Variants in MYOF observed in about 807,000 individuals in gnomAD.
MYOF encodes fer-1-like 3, myoferlin.
Under a neutral mutation model 284.2 loss-of-function variants are expected in MYOF, and 244 were observed. The observed-to-expected ratio is 0.86, with a 90% CI of 0.77 to 0.95. The LOEUF (loss-of-function observed/expected upper bound fraction) is 0.95, where lower values mean the gene tolerates loss of function less well. Among genes scored for constraint, MYOF ranks in the 40% least tolerant of loss-of-function variants. The pLI is 0.00. For missense variants in MYOF, 2,496 were observed against 2,560.6 expected (o/e 0.97, Z 0.54); for synonymous variants, 904 against 919.7 (o/e 0.98, Z 0.31).
chr10:93,436,361 T>C (rs1453157797), intron 3 of MYOF, among the ~76,000 whole-genome samples: 1 of 152,164 alleles, frequency 6.6e-6, no homozygotes, highest in Non-Finnish European at 1.5e-5. Flanking sequence ...AAGGCTAACC[T>C]CAATTTCTTC....
chr10:93,426,064 A>G lies in MYOF; in HGVS notation c.433+7T>C. The G allele has an allele frequency of 6.4e-7, 1 of 1,552,482 alleles. No homozygotes were observed. Among genetic ancestry groups the G allele is most frequent in the Admixed American group, 1.9e-5 (1 of 51,312 alleles). ...GGGTGGCTGGGCCTTCAGAAGGGTC[A>G]GCTTACCTCCCATGCCTGGCACGCT... On this transcript the variant is annotated splice_region_variant and intron_variant, in intron 5 of 53. Coordinates refer to ENST00000359263, the MANE Select transcript of MYOF (RefSeq NM_013451.4).
rs368199843 is a variant in MYOF at position 93,333,823 on chromosome 10, C to T, written c.4654G>A (p.Glu1552Lys). ...ACAATGTAAATCCTAACCGTGCATT[C>T]CTGTGGGACGCTGTCAGGTAATTCC... Reference protein sequence around the residue: ...FRELPDSVPQECTVRIYIVRG... With the variant: ...FRELPDSVPQKCTVRIYIVRG... The change falls in exon 42 of 54, where the codon GAA (glutamate) becomes AAA (lysine). Residue 1552 changes from glutamate to lysine, a missense_variant. Physicochemically the swap from Glu to Lys is moderately conservative, Grantham distance 56. Coordinates refer to ENST00000359263, the MANE Select transcript of MYOF (RefSeq NM_013451.4). 1.1e-5 allele frequency: 17 copies of T among 1,614,024 alleles called. No homozygotes were observed. The African/African-American group carries it at 2.3e-4, about 22-fold the overall frequency.
rs532071465 is a variant in MYOF at position 93,386,776 on chromosome 10, G to C, written c.1698+1021C>G. Among the ~76,000 whole-genome samples the C allele has an allele frequency of 8.5e-5, 13 of 152,340 alleles. No homozygotes were observed. In the East Asian group the frequency reaches 2.5e-3, roughly 29 times the overall value. On this transcript the variant is annotated intron_variant, in intron 19 of 53. Transcript: ENST00000359263. Reference sequence around the variant, plus strand: ...GAAGAAGGGATAGTTTCTGTTAAAGGGTGTGGCTATTCTCCCTGTCAATCA... The same window carrying C: ...GAAGAAGGGATAGTTTCTGTTAAAGCGTGTGGCTATTCTCCCTGTCAATCA...
At chr10:93,336,225 G>A (rs1393073803) in intron 40 of MYOF, among the ~76,000 whole-genome samples, 179 bp from the exon 41 acceptor site, 1 of 152,138 alleles carries the variant, frequency 6.6e-6, no homozygotes, top group Non-Finnish European at 1.5e-5. Flanking sequence ...AGTTTCTTTT[G>A]GAGTTAAGTA....
chr10:93,406,567 C>CG (rs1589519039), intron 7 of MYOF, among the ~76,000 whole-genome samples: 10 of 93,360 alleles, frequency 1.1e-4, no homozygotes, highest in East Asian at 2.4e-4. Flanking sequence ...GCCTCCTCCC[C>CG]ACCCATCCAG....
At position 93,456,947 on chromosome 10, in the gene MYOF, A is replaced by T; in HGVS notation, c.89-10T>A. 6.3e-7 allele frequency: 1 copy of T among 1,591,696 alleles called. No homozygotes were observed. Among genetic ancestry groups the T allele is most frequent in the African/African-American group, 1.3e-5 (1 of 74,488 alleles). ...GTTTTCTTTTTCTCATCTGCAAAAGAGATAAAGGAAGAGACAGCAATCATT... is the reference window on the plus strand; with the variant it reads ...GTTTTCTTTTTCTCATCTGCAAAAGTGATAAAGGAAGAGACAGCAATCATT... On this transcript the variant is annotated splice_polypyrimidine_tract_variant and intron_variant, in intron 1 of 53. Coordinates refer to ENST00000359263, the MANE Select transcript of MYOF (RefSeq NM_013451.4).
rs1392268583 is a variant in MYOF at position 93,333,433 on chromosome 10, G to A, written c.4720-121C>T. On this transcript the variant is annotated intron_variant, in intron 42 of 53. Transcript: ENST00000359263. ...AGCTGATGACAAGGTGGCCGCCATG[G>A]CACCCCGTGCCTAAGACAAGGGAGC... The A allele has an allele frequency of 7.6e-5, 61 of 797,790 alleles. 1 individual carries two copies. In the East Asian group the frequency reaches 1.7e-3, roughly 22 times the overall value. The allele number at this position is 797,790 out of a possible 1,614,324, so 49.4% of individuals were successfully genotyped here.
At chr10:93,319,528 G>A (rs1325397032) in intron 49 of MYOF, among the ~76,000 whole-genome samples, 1 of 152,084 alleles carries the variant, frequency 6.6e-6, no homozygotes, top group Non-Finnish European at 1.5e-5. Context: ...GCTTGACTCT[G>A]CCTAGCATGG....
intron 29 of MYOF, among the ~76,000 whole-genome samples, chr10:93,358,446 T>C (rs1844913653): frequency 6.6e-6 from 1 of 152,196 alleles, no homozygotes; most frequent in African/African-American, 2.4e-5. Flanking sequence ...ATCCCATTAC[T>C]GGGTATATAC....
intron 3 of MYOF, among the ~76,000 whole-genome samples, chr10:93,433,603 T>A (rs769839955): frequency 6.6e-6 from 1 of 152,258 alleles, no homozygotes; most frequent in African/African-American, 2.4e-5. Context: ...AGATTCCTTA[T>A]GCCAAAATAT....
chr10:93,471,038 A>G lies in MYOF; in HGVS notation c.88+11069T>C, dbSNP rs186221362. On this transcript the variant is annotated intron_variant, in intron 1 of 53. Coordinates refer to ENST00000359263, the MANE Select transcript of MYOF (RefSeq NM_013451.4). The stretch of plus-strand genomic sequence containing the variant: ...TTTTTTTTTTCAATTTATAAGCTGC[A>G]CTATTGAGATGAAAAAGATGATGAA... 5.9e-5 allele frequency among the ~76,000 whole-genome samples: 9 copies of G among 152,188 alleles called. No individual in the cohort carries two copies. The East Asian group carries it at 1.7e-3, about 29-fold the overall frequency.
At chr10:93,393,332 TG>T (rs1846794128) in intron 16 of MYOF, among the ~76,000 whole-genome samples, 1 of 152,192 alleles carries the variant, frequency 6.6e-6, no homozygotes, top group South Asian at 2.1e-4. Context: ...CAAGTAAATG[TG>T]GTCTGAGGCT....
chr10:93,417,232 CTTTCTGAA>C (rs138885532), intron 5 of MYOF, among the ~76,000 whole-genome samples: 7,616 of 152,308 alleles, frequency 0.05, 254 homozygotes, highest in Middle Eastern at 0.082. Flanking sequence ...GACCTGTCTC[CTTTCTGAA>C]TATCAGTAAC....
chr10:93,399,831 C>T (rs915855922), intron 12 of MYOF, among the ~76,000 whole-genome samples: 2 of 152,058 alleles, frequency 1.3e-5, no homozygotes, highest in South Asian at 4.1e-4. Context: ...AAGATCACAC[C>T]ACTGCAGTCC....
intron 3 of MYOF, among the ~76,000 whole-genome samples, chr10:93,439,866 A>C (rs1029712576): frequency 2.6e-5 from 4 of 152,228 alleles, no homozygotes; most frequent in African/African-American, 9.6e-5. Context: ...GAATGAATAG[A>C]TAAGAACCCT....
chr10:93,453,258 C>T (rs1168288633), intron 2 of MYOF, among the ~76,000 whole-genome samples: 2 of 152,058 alleles, frequency 1.3e-5, no homozygotes, highest in Admixed American at 6.6e-5. Context: ...CTCCACTTCC[C>T]GGGTTCAAGC....
chr10:93,408,942 C>T (rs1564694798), intron 6 of MYOF, 27 bp from the exon 7 acceptor site: 1 of 1,612,636 alleles, frequency 6.2e-7, no homozygotes, highest in Non-Finnish European at 8.5e-7. Context: ...GGATGGTTAC[C>T]CAACCTTTCC....
chr10:93,323,687 G>T, intron 46 of MYOF: 1 of 313,226 alleles, frequency 3.2e-6, no homozygotes, highest in Non-Finnish European at 5.9e-6. Context: ...CCACAGGCAG[G>T]CACACGCACG....
chr10:93,417,201 C>T (rs1253362919), intron 5 of MYOF, among the ~76,000 whole-genome samples: 2 of 152,142 alleles, frequency 1.3e-5, no homozygotes, highest in East Asian at 3.9e-4. Context: ...TCCTACAAAG[C>T]TTCTCACTGC....
Sources: gnomAD v4.1 joint callset for allele counts (sites outside exome capture counted in the v4.1 genomes callset) on GRCh38, gnomAD v4.1.1 for gene constraint, MANE v1.5 for transcripts, NCBI Gene and HGNC (gene_info 2026-07-23, HGNC 2026-07-21) for gene names.